Variants in ZNF483 observed in about 807,000 individuals in gnomAD.
The protein encoded by ZNF483 is zinc finger protein 483.
Under a neutral mutation model 28.6 loss-of-function variants are expected in ZNF483, and 9 were observed. The ratio of observed to expected loss-of-function variants is 0.32; its 90% CI spans 0.19 to 0.55. The LOEUF (loss-of-function observed/expected upper bound fraction) is 0.55. Among genes scored for constraint, ZNF483 ranks in the 20% least tolerant of loss-of-function variants. ZNF483 has a pLI of 0.93. For synonymous variants in ZNF483, 322 were observed against 306.2 expected (o/e 1.05, Z -0.54); for missense variants, 675 against 871.7 (o/e 0.77, Z 2.84).
rs910736217 is a variant in ZNF483 at position 111,545,556 on chromosome 9, C to G, written c.*2386C>G. 5.3e-5 allele frequency among the ~76,000 whole-genome samples: 8 copies of G among 152,114 alleles called. No homozygotes were observed. Among genetic ancestry groups the G allele is most frequent in the African/African-American group, 1.9e-4 (8 of 41,426 alleles). ...CATCATCCCAGCAAGATCCGTTATTCCAGTTTACAGTTAATCTCCCGTCCA... is the reference window on the plus strand; with the variant it reads ...CATCATCCCAGCAAGATCCGTTATTGCAGTTTACAGTTAATCTCCCGTCCA... On this transcript the variant is annotated 3_prime_UTR_variant, in exon 6 of 6. Coordinates refer to ENST00000309235, the MANE Select transcript of ZNF483 (RefSeq NM_133464.5).
At position 111,542,022 on chromosome 9, in the gene ZNF483, G is replaced by A; in HGVS notation, c.1087G>A (p.Asp363Asn). 2 of 1,614,076 alleles carry A rather than the reference G, an allele frequency of 1.2e-6. No individual in the cohort carries two copies. The highest frequency in any genetic ancestry group is 1.7e-6 in the Non-Finnish European group (2 of 1,179,942). Residue 363 changes from aspartate to asparagine, a missense_variant, in exon 6 of 6, where the codon GAT becomes AAT. Asp to Asn is a conservative substitution (Grantham distance 23). This residue lies in a region of ZNF483 where 525 missense variants were observed against 581.8 expected (regional missense o/e 0.90). Coordinates refer to ENST00000309235, the MANE Select transcript of ZNF483 (RefSeq NM_133464.5). This position sits in a 1 kb window ranked among gnomAD's most constrained non-coding sequence, Gnocchi z 6.2. ...TAGEKSRKSN[D>N]GGKVLSHSSA... ...CGGAGAAAAGTCACGGAAATCTAAT[G>A]ATGGTGGGAAAGTCCTGAGTCACTC...
chr9:111,527,207 GT>G, intron 1 of ZNF483, 60 bp from the exon 2 acceptor site: 1 of 541,938 alleles, frequency 1.8e-6, no homozygotes, highest in Non-Finnish European at 3.1e-6. Context: ...CAAGAACGAT[GT>G]TTTTAGGACT....
chr9:111,566,577 A>G (rs1828571834), intron 5 of ZNF483, among the ~76,000 whole-genome samples: 1 of 152,238 alleles, frequency 6.6e-6, no homozygotes, highest in African/African-American at 2.4e-5. Context: ...TACATGGTGT[A>G]AGGTTTGAAA....
rs1169608569 is a variant in ZNF483, at chr9:111,535,354, TTTTAA to T, written c.721+1004_721+1008del. The stretch of plus-strand genomic sequence containing the variant: ...GCTGTGGGAATATACAGGAGCAAGG[TTTTAA>T]TTCGCATTTGAGTTGAATCTTGAAG... On this transcript the variant is annotated intron_variant, in intron 5 of 5. Coordinates refer to ENST00000309235, the MANE Select transcript of ZNF483 (RefSeq NM_133464.5). 9.9e-5 allele frequency among the ~76,000 whole-genome samples: 15 copies of T among 152,154 alleles called. 1 individual carries two copies. Among genetic ancestry groups the T allele is most frequent in the Admixed American group, 9.8e-4 (15 of 15,274 alleles).
chr9:111,570,954 G>C (rs530651527), intron 5 of ZNF483, among the ~76,000 whole-genome samples: 67 of 152,062 alleles, frequency 4.4e-4, no homozygotes, highest in African/African-American at 1.5e-3. Context: ...GGAGGAGGAA[G>C]AGCCTATGCC....
At chr9:111,532,069 G>A (rs1444826458) in intron 3 of ZNF483, among the ~76,000 whole-genome samples, 1 of 152,206 alleles carries the variant, frequency 6.6e-6, no homozygotes, top group Admixed American at 6.5e-5. Flanking sequence ...ATCACTTTGG[G>A]AGGCCGGGGT....
At chr9:111,539,517 A>G (rs1827615303) in intron 5 of ZNF483, 1 of 452,688 alleles carries the variant, frequency 2.2e-6, no homozygotes, top group Non-Finnish European at 4.4e-6. Context: ...TAATCCCAGC[A>G]CTTTGGGAGG....
rs1189691699 is a variant in ZNF483 at position 111,546,737 on chromosome 9, AT to A, written c.*3570del. Among the ~76,000 whole-genome samples the A allele has an allele frequency of 6.6e-6, 1 of 152,208 alleles. No individual in the cohort carries two copies. On this transcript the variant is annotated 3_prime_UTR_variant, in exon 6 of 6. Coordinates refer to ENST00000309235, the MANE Select transcript of ZNF483 (RefSeq NM_133464.5). ...CTTTTTGGTTATACAGCTCAATAGC[AT>A]TTAGATAGATGCACATTTTGTGCAG...
rs1020772976 is a variant in ZNF483 at position 111,543,089 on chromosome 9, A to C, written c.2154A>C (p.Glu718Asp). The change falls in exon 6 of 6, where the codon GAA becomes GAC. Residue 718 changes from glutamate to aspartate, a missense_variant. Physicochemically the swap from Glu to Asp is conservative, Grantham distance 45. Around this residue, in one of 6 missense-constraint regions of ZNF483, gnomAD observed 55 missense variants for 72.4 expected, o/e 0.76. Transcript: ENST00000309235. ...EHLKIHTGRR[E>D]YECNECEKTF... Reference sequence around the variant, plus strand: ...TAAAAATTCATACCGGAAGGAGAGAATATGAATGTAACGAATGTGAGAAGA... The same window carrying C: ...TAAAAATTCATACCGGAAGGAGAGACTATGAATGTAACGAATGTGAGAAGA... The C allele has an allele frequency of 1.2e-6, 2 of 1,614,144 alleles. No individual in the cohort carries two copies. Among genetic ancestry groups the C allele is most frequent in the Non-Finnish European group, 1.7e-6 (2 of 1,180,002 alleles).
At position 111,541,133 on chromosome 9, in the gene ZNF483, A is replaced by G. The variant is rs951317601; in HGVS notation, c.722-524A>G. The stretch of plus-strand genomic sequence containing the variant: ...GAGACAGAGCCTTGCTCTGTTGCCT[A>G]GGCTGGAGTGCAGTGCCACAATCTC... On this transcript the variant is annotated intron_variant, in intron 5 of 5. Coordinates refer to ENST00000309235, the MANE Select transcript of ZNF483 (RefSeq NM_133464.5). 2.2e-5 allele frequency among the ~76,000 whole-genome samples: 3 copies of G among 134,408 alleles called. No individual in the cohort carries two copies. The Admixed American group carries it at 2.6e-4, about 12-fold the overall frequency. The allele number at this position is 134,408 out of a possible 152,430, so 88.2% of individuals were successfully genotyped here.
intron 5 of ZNF483, among the ~76,000 whole-genome samples, chr9:111,567,064 T>A (rs1828591877): frequency 6.7e-6 from 1 of 150,284 alleles, no homozygotes; most frequent in Non-Finnish European, 1.5e-5. Flanking sequence ...CCAGCCTGGG[T>A]GTCTGAGACC....
rs1564603848 is a variant in ZNF483 at position 111,552,769 on chromosome 9, A to C, written c.*9599A>C. On this transcript the variant is annotated 3_prime_UTR_variant, in exon 6 of 6. Coordinates refer to ENST00000309235, the MANE Select transcript of ZNF483 (RefSeq NM_133464.5). The stretch of plus-strand genomic sequence containing the variant: ...AGAAAAATACTTGAAATTTTTCAAG[A>C]TTTGAATTAATTGGTCTTTATTATT... 6.6e-6 allele frequency among the ~76,000 whole-genome samples: 1 copy of C among 152,126 alleles called. No individual in the cohort carries two copies. Among genetic ancestry groups the C allele is most frequent in the South Asian group, 2.1e-4 (1 of 4,834 alleles).
At chr9:111,534,984 A>G (rs1262522373) in intron 5 of ZNF483, among the ~76,000 whole-genome samples, 1 of 152,060 alleles carries the variant, frequency 6.6e-6, no homozygotes. Context: ...CGGCCTCCCA[A>G]AGTGCTGGGA....
Position 111,544,131 on chromosome 9 carries a change from C to A in ZNF483, c.*961C>A, listed in dbSNP as rs1827746102. 1 of 985,304 alleles carries A rather than the reference C, an allele frequency of 1.0e-6. No individual in the cohort carries two copies. Among genetic ancestry groups the A allele is most frequent in the African/African-American group, 1.7e-5 (1 of 57,204 alleles). 61.0% of individuals were successfully genotyped at this position (985,304 alleles called of 1,614,324 possible). ...GCCAGAGAGCTTGCACCTGAGCCAT[C>A]TCAGCCGTGAGAGTAACAGTCCTAG... On this transcript the variant is annotated 3_prime_UTR_variant, in exon 6 of 6. Transcript: ENST00000309235.
chr9:111,559,458 G>A (rs1276401024), downstream of ZNF483, among the ~76,000 whole-genome samples: 1 of 151,860 alleles, frequency 6.6e-6, no homozygotes, highest in Non-Finnish European at 1.5e-5. Context: ...ACTGTTGTTG[G>A]GCTCTGATAC....
intron 5 of ZNF483, chr9:111,564,317 T>TTAC: frequency 1.6e-6 from 1 of 629,088 alleles, no homozygotes; most frequent in Non-Finnish European, 2.1e-6. Flanking sequence ...ATTATTATTA[T>TTAC]TATTCTGAGA....
rs191168987 is a variant in ZNF483 at position 111,536,713 on chromosome 9, C to A, written c.721+2360C>A. ...TAGGGGCCACTGACCGCACCCCCCC[C>A]GCCCCCGTACAGTTGAAAATCCATG... On this transcript the variant is annotated intron_variant, in intron 5 of 5. Transcript: ENST00000309235. Among the ~76,000 whole-genome samples the A allele has an allele frequency of 8.7e-4, 133 of 152,114 alleles. 2 individuals are homozygous for A. Among genetic ancestry groups the A allele is most frequent in the South Asian group, 1.0e-3 (5 of 4,792 alleles).
chr9:111,560,218 C>T (rs983613858), downstream of ZNF483, among the ~76,000 whole-genome samples: 7 of 151,634 alleles, frequency 4.6e-5, no homozygotes, highest in Non-Finnish European at 8.8e-5. Flanking sequence ...TGGTGGCTCA[C>T]GCCTGTAATC....
At chr9:111,558,013 G>A (rs1490898717), downstream of ZNF483, among the ~76,000 whole-genome samples, 1 of 152,138 alleles carries the variant, frequency 6.6e-6, no homozygotes. Flanking sequence ...CAGGCATGGT[G>A]GTGCGCGCCT....
Sources: allele counts gnomAD v4.1 joint callset (sites outside exome capture counted in the v4.1 genomes callset), GRCh38; gene constraint gnomAD v4.1.1; regional missense constraint gnomAD v4.1.1; non-coding constraint Gnocchi (gnomAD v3.1); transcripts MANE v1.5; gene names NCBI Gene and HGNC (gene_info 2026-07-23, HGNC 2026-07-21).